Variants in ADCY3 observed in about 807,000 individuals in gnomAD.
ADCY3 encodes the protein adenylate cyclase 3.
In ADCY3, 70 loss-of-function variants were observed where a neutral mutation model predicts 119.4. The observed-to-expected ratio is 0.59, with a 90% CI of 0.48 to 0.72. The LOEUF is 0.72. ADCY3 is among the 30% of genes least tolerant of loss of function. ADCY3 has a pLI of 0.00. For synonymous variants in ADCY3, 672 were observed against 621.4 expected, an observed-to-expected ratio of 1.08 and a Z score of -1.21; for missense variants, 1,238 against 1,541.6, an observed-to-expected ratio of 0.80 and a Z score of 3.30.
chr2:24,872,569 C>A lies in ADCY3; in HGVS notation c.825+1G>T. On this transcript the variant is annotated splice_donor_variant, in intron 3 of 21. Transcript: ENST00000679454. LOFTEE classifies it high-confidence loss of function. This position sits in a 1 kb window ranked among gnomAD's most constrained non-coding sequence, Gnocchi z 4.4. ...GGCCCGAGGCCTCCCGAGAGCCTCA[C>A]CTGCTGCTGGCTCTGCTCTTCCAGG... 6.2e-7 allele frequency: 1 copy of A among 1,613,918 alleles called. No individual in the cohort carries two copies. Among genetic ancestry groups the A allele is most frequent in the Non-Finnish European group, 8.5e-7 (1 of 1,179,842 alleles).
At position 24,834,774 on chromosome 2, in the gene ADCY3, C is replaced by T. The variant is rs371897128; in HGVS notation, c.1805+20G>A. The T allele has an allele frequency of 9.8e-5, 157 of 1,609,264 alleles. No homozygotes were observed. The highest frequency in any genetic ancestry group is 5.1e-4 in the East Asian group (23 of 44,720). On this transcript the variant is annotated intron_variant, in intron 10 of 21. Coordinates refer to ENST00000679454, the MANE Select transcript of ADCY3 (RefSeq NM_004036.5). The surrounding 1 kb of genome is among the most constrained non-coding windows in gnomAD (Gnocchi z 4.2). ...GCCCGGGAGGAGTGGTGGGCCTGGA[C>T]GCTTCCGGGTGGCGCTTACACTTGG...
intron 2 of ADCY3, among the ~76,000 whole-genome samples, chr2:24,889,861 T>A (rs999530498): frequency 2.6e-4 from 40 of 152,102 alleles, no homozygotes; most frequent in Admixed American, 2.6e-3. Context: ...ATAAATAAAA[T>A]TGTTAAGAAT....
rs533195000 is a variant in ADCY3, at chr2:24,835,291, G to A, written c.1663-355C>T. Among the ~76,000 whole-genome samples, 12 of 152,304 alleles carry A rather than the reference G, an allele frequency of 7.9e-5. No homozygotes were observed. In the South Asian group the frequency reaches 2.1e-3, roughly 26 times the overall value. On this transcript the variant is annotated intron_variant, in intron 9 of 21. Coordinates refer to ENST00000679454, the MANE Select transcript of ADCY3 (RefSeq NM_004036.5). ...TGAGGCAGTCCTGGCACTTCCTGCT[G>A]TATTGATGTGGGGGCCATATACATT...
intron 3 of ADCY3, among the ~76,000 whole-genome samples, chr2:24,843,743 C>A (rs151076207): frequency 1.3e-5 from 2 of 152,112 alleles, no homozygotes; most frequent in Non-Finnish European, 2.9e-5. Context: ...GGCCTCTGTG[C>A]GGGCACCTGC....
At chr2:24,855,218 C>T (rs956326409) in intron 3 of ADCY3, among the ~76,000 whole-genome samples, 2 of 151,618 alleles carry the variant, frequency 1.3e-5, no homozygotes, top group African/African-American at 4.8e-5. Flanking sequence ...TCTTAGGAAG[C>T]TGTCTTTAAG....
intron 2 of ADCY3, among the ~76,000 whole-genome samples, chr2:24,915,342 C>A (rs1485661884): frequency 6.6e-6 from 1 of 152,158 alleles, no homozygotes; most frequent in Non-Finnish European, 1.5e-5. Flanking sequence ...CTGGGACCTA[C>A]CCTGACCAGA....
Position 24,842,158 on chromosome 2 carries a change from A to C in ADCY3, c.956+96T>G. 1 of 1,560,320 alleles carries C rather than the reference A, an allele frequency of 6.4e-7. No homozygotes were observed. The highest frequency in any genetic ancestry group is 8.7e-7 in the Non-Finnish European group (1 of 1,149,696). Reference sequence around the variant, plus strand: ...GAGGCCTTGCTTCTAGTCCCTGGAAAACCTCTTGAAGCCCACAGCACCTAG... The same window carrying C: ...GAGGCCTTGCTTCTAGTCCCTGGAACACCTCTTGAAGCCCACAGCACCTAG... On this transcript the variant is annotated intron_variant, in intron 4 of 21. Transcript: ENST00000679454. This position sits in a 1 kb window ranked among gnomAD's most constrained non-coding sequence, Gnocchi z 4.9.
intron 3 of ADCY3, among the ~76,000 whole-genome samples, chr2:24,865,806 C>G (rs1341020432): frequency 1.3e-5 from 2 of 152,070 alleles, no homozygotes; most frequent in Admixed American, 1.3e-4. Context: ...ACAACCAAAG[C>G]AGCCAGGATT....
chr2:24,867,470 T>C (rs1558474760), intron 3 of ADCY3, among the ~76,000 whole-genome samples: 1 of 152,212 alleles, frequency 6.6e-6, no homozygotes. Context: ...CCTTCTGCCA[T>C]GTATGGACAC....
At chr2:24,917,821 G>T (rs894932575) in intron 2 of ADCY3, among the ~76,000 whole-genome samples, 3 of 152,152 alleles carry the variant, frequency 2.0e-5, no homozygotes, top group African/African-American at 7.2e-5. Context: ...ATCCTAATGC[G>T]CTTTCCCCCA....
At chr2:24,840,631 CT>C in intron 6 of ADCY3, 1 of 431,576 alleles carries the variant, frequency 2.3e-6, no homozygotes, top group Non-Finnish European at 4.8e-6. Context: ...AGGAGCTTCC[CT>C]TTCCGTGTTG....
intron 8 of ADCY3, among the ~76,000 whole-genome samples, chr2:24,837,272 G>A (rs1244829390): frequency 1.3e-5 from 2 of 152,188 alleles, no homozygotes; most frequent in African/African-American, 2.4e-5. Context: ...TGGGAAGACC[G>A]AGGGAGAGCA....
chr2:24,874,738 T>A (rs1675450444), intron 2 of ADCY3, among the ~76,000 whole-genome samples: 1 of 152,196 alleles, frequency 6.6e-6, no homozygotes, highest in Non-Finnish European at 1.5e-5. Flanking sequence ...AGAGTAGTGG[T>A]TGGACCTGGA....
rs1572848943 is a variant in ADCY3, at chr2:24,838,345, C to T, written c.1533+100G>A. 3.8e-5 allele frequency: 48 copies of T among 1,275,290 alleles called. No individual in the cohort carries two copies. In the East Asian group the frequency reaches 1.2e-3, roughly 32 times the overall value. 79.0% of individuals were successfully genotyped at this position (1,275,290 alleles called of 1,614,324 possible). On this transcript the variant is annotated intron_variant, in intron 8 of 21. Transcript: ENST00000679454. Reference sequence around the variant, plus strand: ...TCTCACAGCCAGCCACTGCTGGGTCCTGCCACCTCTTCTGCAATCTTTCCT... The same window carrying T: ...TCTCACAGCCAGCCACTGCTGGGTCTTGCCACCTCTTCTGCAATCTTTCCT...
In ADCY3 at chr2:24,897,009, T is replaced by C. The variant is rs145995566; in HGVS notation, c.675+21304A>G. Among the ~76,000 whole-genome samples the C allele has an allele frequency of 2.1e-3, 324 of 152,274 alleles. 1 individual carries two copies. The highest frequency in any genetic ancestry group is 0.01 in the Middle Eastern group (3 of 294). ...TCCCTATATTTTATCCAGCTCCTAGTTGTTTACAGTGGGAGAATAATTCCA... is the reference window on the plus strand; with the variant it reads ...TCCCTATATTTTATCCAGCTCCTAGCTGTTTACAGTGGGAGAATAATTCCA... On this transcript the variant is annotated intron_variant, in intron 2 of 21. Transcript: ENST00000679454.
chr2:24,877,776 C>G (rs1675895925), intron 2 of ADCY3: 1 of 420,052 alleles, frequency 2.4e-6, no homozygotes, highest in Admixed American at 2.7e-5. Flanking sequence ...ACACAGGCAC[C>G]ATCTGACCAC....
At chr2:24,870,933 A>G (rs1674923218) in intron 3 of ADCY3, among the ~76,000 whole-genome samples, 1 of 152,226 alleles carries the variant, frequency 6.6e-6, no homozygotes, top group Admixed American at 6.5e-5. Context: ...TATCTAAATT[A>G]TCTACACGAG....
At position 24,820,037 on chromosome 2, in the gene ADCY3, C is replaced by A. The variant is rs747917335; in HGVS notation, c.3330G>T (p.Gly1110=). The A allele has an allele frequency of 6.2e-7, 1 of 1,608,612 alleles. No homozygotes were observed. The highest frequency in any genetic ancestry group is 1.7e-5 in the Admixed American group (1 of 58,968). Residue 1110 remains glycine, a synonymous_variant, in exon 22 of 22, where the codon GGG becomes GGT. Transcript: ENST00000679454. The part of the protein sequence containing the change: ...FVRRGPIFVK[G]KGELLTFFLK... The stretch of plus-strand genomic sequence containing the variant: ...AGAAGAAGGTCAGCAGCTCCCCCTT[C>A]CCCTTCACAAAGATGGGGCCTCGCC...
intron 2 of ADCY3, among the ~76,000 whole-genome samples, chr2:24,885,358 T>G (rs1237427958): frequency 1.3e-5 from 2 of 152,050 alleles, no homozygotes; most frequent in African/African-American, 4.8e-5. Context: ...AACGCTAAAG[T>G]CAATGTGAAC....
Sources: gnomAD v4.1 joint callset for allele counts (sites outside exome capture counted in the v4.1 genomes callset) on GRCh38, gnomAD v4.1.1 for gene constraint, Gnocchi (gnomAD v3.1) non-coding constraint, MANE v1.5 for transcripts, NCBI Gene and HGNC (gene_info 2026-07-23, HGNC 2026-07-21) for gene names.